Variants in PLEC observed in about 807,000 individuals in gnomAD.
The protein encoded by PLEC is plectin, also known as hemidesmosomal protein 1.
Under a neutral mutation model 392.8 loss-of-function variants are expected in PLEC, and 216 were observed. The observed-to-expected ratio is 0.55, with a 90% CI of 0.49 to 0.62. PLEC has a LOEUF of 0.62. Ranked by LOEUF, PLEC falls within the 20% of genes least tolerant of loss-of-function variation. The pLI, the probability that PLEC is intolerant of heterozygous loss-of-function variation, is 0.00. For synonymous variants in PLEC, 3,621 were observed against 2,980.6 expected, an observed-to-expected ratio of 1.21 and a Z score of -7.00; for missense variants, 6,863 against 6,563.4, an observed-to-expected ratio of 1.05 and a Z score of -1.58.
chr8:143,966,210 G>T (rs1833081617), intron 1 of PLEC, among the ~76,000 whole-genome samples: 2 of 152,060 alleles, frequency 1.3e-5, no homozygotes. Flanking sequence ...GACCCAACAG[G>T]CCCCCATGGC....
chr8:143,927,503 G>C lies in PLEC; in HGVS notation c.3663C>G (p.Ala1221=). 6.3e-7 allele frequency: 1 copy of C among 1,597,036 alleles called. No homozygotes were observed. The highest frequency in any genetic ancestry group is 8.5e-7 in the Non-Finnish European group (1 of 1,178,634). The part of the protein sequence containing the change: ...YYRESADPLG[A]WLQDARRRQE... Reference sequence around the variant, plus strand: ...GCCGCCGCCTGGCGTCCTGCAGCCAGGCGCCCAAGGGGTCTGCACTCTCGC... The same window carrying C: ...GCCGCCGCCTGGCGTCCTGCAGCCACGCGCCCAAGGGGTCTGCACTCTCGC... The change falls in exon 27 of 32, where the codon GCC becomes GCG. Residue 1221 remains alanine, a synonymous_variant. Transcript: ENST00000345136.
chr8:143,927,808 C>A (rs114047247), intron 26 of PLEC, 42 bp from the exon 27 acceptor site: 65 of 1,579,958 alleles, frequency 4.1e-5, no homozygotes, highest in Non-Finnish European at 5.2e-6. Context: ...CAGCTGGGCC[C>A]GCTGTACCCC....
rs1823306057 is a variant in PLEC, at chr8:143,922,756, C to T, written c.7173G>A (p.Glu2391=). Reference sequence around the variant, plus strand: ...CAGCGCGGGCCTGGGCTCGGCTCATCTCGGCCACACGCAGCTTGAGGCGCT... The same window carrying T: ...CAGCGCGGGCCTGGGCTCGGCTCATTTCGGCCACACGCAGCTTGAGGCGCT... ...EAERLKLRVA[E]MSRAQARAEE... Residue 2391 remains glutamate (E), a synonymous_variant, in exon 31 of 32, where the codon GAG becomes GAA. Transcript: ENST00000345136. 2 of 1,608,818 alleles carry T rather than the reference C, an allele frequency of 1.2e-6. No individual in the cohort carries two copies. Among genetic ancestry groups the T allele is most frequent in the Non-Finnish European group, 1.7e-6 (2 of 1,179,196 alleles).
intron 1 of PLEC, among the ~76,000 whole-genome samples, chr8:143,971,296 G>A (rs889117525): frequency 3.3e-5 from 5 of 152,154 alleles, no homozygotes; most frequent in Non-Finnish European, 5.9e-5. Context: ...GGGATCAGCT[G>A]GGCAGGGGGC....
intron 1 of PLEC, among the ~76,000 whole-genome samples, chr8:143,972,649 A>T (rs1408041615): frequency 6.6e-6 from 1 of 152,178 alleles, no homozygotes; most frequent in East Asian, 1.9e-4. Context: ...CTTGCTCCTA[A>T]GCCTCTGCAG....
rs782565083 is a variant in PLEC at position 143,917,395 on chromosome 8, G to C, written c.12426C>G (p.Val4142=). The C allele has an allele frequency of 6.8e-6, 11 of 1,612,088 alleles. No individual in the cohort carries two copies. The highest frequency in any genetic ancestry group is 1.3e-5 in the African/African-American group (1 of 74,892). Residue 4142 remains valine (V), a synonymous_variant, in exon 32 of 32, where the codon GTC becomes GTG. Coordinates refer to ENST00000345136, the MANE Select transcript of PLEC (RefSeq NM_201384.3). ...CCTTGCCCGTCTCGGGGTCCACGATGACCACTCGGCGCTTGCGCACGGAGG... is the reference window on the plus strand; with the variant it reads ...CCTTGCCCGTCTCGGGGTCCACGATCACCACTCGGCGCTTGCGCACGGAGG... ...SKSSVRKRRV[V]IVDPETGKEM...
intron 1 of PLEC, among the ~76,000 whole-genome samples, chr8:143,945,547 G>C (rs1462643199): frequency 6.6e-6 from 1 of 152,166 alleles, no homozygotes; most frequent in Admixed American, 6.5e-5. Flanking sequence ...GCACGTTGAC[G>C]GTATACCCCA....
rs1587428325 is a variant in PLEC at position 143,972,004 on chromosome 8, C to T, written c.70+1399G>A. Among the ~76,000 whole-genome samples, 5 of 152,324 alleles carry T rather than the reference C, an allele frequency of 3.3e-5. No individual in the cohort carries two copies. In the Middle Eastern group the frequency reaches 0.014, roughly 414 times the overall value. ...CCCACCCCAGGAGGTAGAGGAAAGACAGCCCTGGGGCCAGGAAAGCCTCAG... is the reference window on the plus strand; with the variant it reads ...CCCACCCCAGGAGGTAGAGGAAAGATAGCCCTGGGGCCAGGAAAGCCTCAG... On this transcript the variant is annotated intron_variant, in intron 1 of 31. Coordinates refer to the PLEC transcript ENST00000356346.
chr8:143,975,048 G>T (rs1198223761), upstream of PLEC: 4 of 1,043,560 alleles, frequency 3.8e-6, no homozygotes, highest in East Asian at 9.8e-5. This position sits in a 1 kb window ranked among gnomAD's most constrained non-coding sequence, Gnocchi z 9.9. Flanking sequence ...GACGCGCGAG[G>T]CCCTCCGTGA....
chr8:143,942,795 C>T (rs1020364637), upstream of PLEC, among the ~76,000 whole-genome samples: 1 of 152,204 alleles, frequency 6.6e-6, no homozygotes. Flanking sequence ...AGGGGGCCTC[C>T]CAGCAGGATG....
chr8:143,927,477 TGCC>T lies in PLEC; in HGVS notation c.3686_3688del (p.Arg1229del). The T allele has an allele frequency of 1.3e-6, 2 of 1,597,026 alleles. No individual in the cohort carries two copies. Among genetic ancestry groups the T allele is most frequent in the Non-Finnish European group, 1.7e-6 (2 of 1,178,408 alleles). ...CAGCGGCATGGCCTGGATCTGCTCC[TGCC>T]GCCGCCTGGCGTCCTGCAGCCAGGC... On this transcript the variant is annotated inframe_deletion, in exon 27 of 32. Transcript: ENST00000345136.
rs1030918558 is a variant in PLEC, at chr8:143,915,871, G to A, written c.*306C>T. ...TAGGACTGGCAGGCGGGCTACCCTG[G>A]GAAGACAGGAGGGTGGGCTGGGGCC... On this transcript the variant is annotated 3_prime_UTR_variant, in exon 32 of 32. Transcript: ENST00000345136. 2 of 252,958 alleles carry A rather than the reference G, an allele frequency of 7.9e-6. No individual in the cohort carries two copies. The highest frequency in any genetic ancestry group is 2.3e-5 in the African/African-American group (1 of 43,120). 15.7% of individuals were successfully genotyped at this position (252,958 alleles called of 1,614,324 possible).
At chr8:143,944,283 A>ACCCT (rs1291669993), upstream of PLEC, among the ~76,000 whole-genome samples, 3 of 150,968 alleles carry the variant, frequency 2.0e-5, no homozygotes, top group African/African-American at 4.9e-5. Flanking sequence ...CTCGGCACAC[A>ACCCT]CCCTCCCTCC....
rs527776022 is a variant in PLEC at position 143,971,225 on chromosome 8, G to A, written c.70+2178C>T. Among the ~76,000 whole-genome samples the A allele has an allele frequency of 1.1e-3, 171 of 152,290 alleles. 1 individual carries two copies. Among genetic ancestry groups the A allele is most frequent in the African/African-American group, 3.9e-3 (163 of 41,552 alleles). On this transcript the variant is annotated intron_variant, in intron 1 of 31. Coordinates refer to the PLEC transcript ENST00000356346. ...TGAGAGGGCACAGTGAGGTGGAACC[G>A]AGGCAATGCCACAGAGGGGAGGAGG...
chr8:143,953,836 C>T (rs1554738302), upstream of PLEC: 3 of 1,600,290 alleles, frequency 1.9e-6, no homozygotes, highest in Non-Finnish European at 2.6e-6. Flanking sequence ...CACCGCACTG[C>T]CCAGGCCAGC....
intron 1 of PLEC, among the ~76,000 whole-genome samples, chr8:143,949,209 C>G (rs917976211): frequency 6.6e-6 from 1 of 152,220 alleles, no homozygotes; most frequent in Non-Finnish European, 1.5e-5. Context: ...CACACCCTGG[C>G]AAATCCTGCC....
chr8:143,954,373 C>A (rs964998393), upstream of PLEC, among the ~76,000 whole-genome samples: 1 of 152,192 alleles, frequency 6.6e-6, no homozygotes, highest in Admixed American at 6.5e-5. The surrounding 1 kb of genome is among the most constrained non-coding windows in gnomAD (Gnocchi z 4.6). Context: ...GGGTCAGGCA[C>A]CTTGTACACT....
rs372578019 is a variant in PLEC, at chr8:143,933,538, C to T, written c.1264-187G>A. Among the ~76,000 whole-genome samples, 4 of 152,312 alleles carry T rather than the reference C, an allele frequency of 2.6e-5. No individual in the cohort carries two copies. In the South Asian group the frequency reaches 8.3e-4, roughly 32 times the overall value. On this transcript the variant is annotated intron_variant, in intron 12 of 31. Transcript: ENST00000345136. ...CTACTGGCCTTCTGGGGGATTGGGA[C>T]CAAGTCCAGAGTACTTAGCCCAGTC...
At position 143,920,598 on chromosome 8, in the gene PLEC, G is replaced by A. The variant is rs376638828; in HGVS notation, c.9223C>T (p.Arg3075Trp). The A allele has an allele frequency of 9.4e-5, 151 of 1,609,524 alleles. No individual in the cohort carries two copies. The East Asian group carries it at 1.5e-3, about 16-fold the overall frequency. ...CGCACTGCCTCGTCCACGGTCAGCCGGGCGCTGGTGGCGGGGTCGATGATG... is the reference window on the plus strand; with the variant it reads ...CGCACTGCCTCGTCCACGGTCAGCCAGGCGCTGGTGGCGGGGTCGATGATG... ...GHIIDPATSA[R>W]LTVDEAVRAG... Residue 3075 changes from arginine to tryptophan, a missense_variant, in exon 32 of 32, where the codon CGG becomes TGG. By Grantham distance (101) the Arg-to-Trp change is moderately radical. Transcript: ENST00000345136.
Sources: allele counts gnomAD v4.1 joint callset (sites outside exome capture counted in the v4.1 genomes callset), GRCh38; gene constraint gnomAD v4.1.1; non-coding constraint Gnocchi (gnomAD v3.1); transcripts MANE v1.5; gene names NCBI Gene and HGNC (gene_info 2026-07-23, HGNC 2026-07-21).